Variants in NUMB observed in about 807,000 individuals in gnomAD.
NUMB encodes the protein protein numb homolog.
In NUMB, 29 loss-of-function variants were observed where a neutral mutation model predicts 59.7. The ratio of observed to expected loss-of-function variants is 0.49; its 90% CI spans 0.36 to 0.66. NUMB has a LOEUF of 0.66. NUMB is among the 30% of genes least tolerant of loss of function. The probability of loss-of-function intolerance (pLI) is 0.00; values close to 1 mark genes in which losing one functional copy is unlikely to be tolerated. For missense variants in NUMB, 723 were observed against 822.0 expected (o/e 0.88, Z 1.47); for synonymous variants, 288 against 288.2 (o/e 1.00, Z 0.01).
In NUMB at chr14:73,276,388, C is replaced by T; in HGVS notation, c.*190G>A. On this transcript the variant is annotated 3_prime_UTR_variant, in exon 13 of 13. Transcript: ENST00000555238. Reference sequence around the variant, plus strand: ...TTAGCCTAATTGCAAGGCAGCTTTTCTCTAGGAATGCTTTTTCCCATGTCT... The same window carrying T: ...TTAGCCTAATTGCAAGGCAGCTTTTTTCTAGGAATGCTTTTTCCCATGTCT... 9.0e-6 allele frequency: 5 copies of T among 553,156 alleles called. No homozygotes were observed. In the South Asian group the frequency reaches 1.4e-4, roughly 15 times the overall value. 34.3% of individuals were successfully genotyped at this position (553,156 alleles called of 1,614,324 possible). A position where few individuals can be genotyped will look rare whatever the true frequency, so the allele number is the denominator to read the frequency against.
rs1894745058 is a variant in NUMB at position 73,372,358 on chromosome 14, T to TATAA, written c.-100-5378_-100-5377insTTAT. Among the ~76,000 whole-genome samples, 5 of 120,118 alleles carry TATAA rather than the reference T, an allele frequency of 4.2e-5. No individual in the cohort carries two copies. In the South Asian group the frequency reaches 1.2e-3, roughly 30 times the overall value. 78.8% of individuals were successfully genotyped at this position (120,118 alleles called of 152,430 possible). On this transcript the variant is annotated intron_variant, in intron 2 of 12. Coordinates refer to ENST00000555238, the MANE Select transcript of NUMB (RefSeq NM_001005743.2). ...ATATAACCTTTTATATATATATATA[T>TATAA]AACCTTTTATATATATATATATAAA...
intron 4 of NUMB, among the ~76,000 whole-genome samples, chr14:73,354,401 C>T (rs962164032): frequency 4.6e-5 from 7 of 150,638 alleles, no homozygotes; most frequent in East Asian, 3.9e-4. Flanking sequence ...GTCCCAGATA[C>T]TTGGGAGGCT....
At chr14:73,423,187 T>C (rs1254928805) in intron 1 of NUMB, among the ~76,000 whole-genome samples, 1 of 152,094 alleles carries the variant, frequency 6.6e-6, no homozygotes, top group Non-Finnish European at 1.5e-5. Flanking sequence ...GGAGTATTTA[T>C]GGCACAAGAT....
chr14:73,307,645 C>CT (rs1890527821), intron 6 of NUMB, among the ~76,000 whole-genome samples: 1 of 151,364 alleles, frequency 6.6e-6, no homozygotes, highest in African/African-American at 2.4e-5. Context: ...CCTACAAGGC[C>CT]TAAAAGACTG....
intron 1 of NUMB, among the ~76,000 whole-genome samples, chr14:73,447,930 G>A (rs1428823283): frequency 4.6e-5 from 7 of 151,660 alleles, no homozygotes; most frequent in Non-Finnish European, 8.8e-5. Context: ...CCTAGTAGCT[G>A]GGACAACAGG....
At chr14:73,402,118 A>G (rs974737260) in intron 2 of NUMB, among the ~76,000 whole-genome samples, 2 of 152,110 alleles carry the variant, frequency 1.3e-5, no homozygotes, top group African/African-American at 4.8e-5. Flanking sequence ...CCTCTGCCTC[A>G]GCCTCCCAAA....
chr14:73,442,863 A>G (rs967239103), intron 1 of NUMB, among the ~76,000 whole-genome samples: 7 of 151,990 alleles, frequency 4.6e-5, no homozygotes, highest in African/African-American at 1.7e-4. Flanking sequence ...TACACCATTT[A>G]CTTTTTTTTC....
chr14:73,321,453 G>A (rs1891399943), intron 5 of NUMB, among the ~76,000 whole-genome samples: 2 of 151,990 alleles, frequency 1.3e-5, no homozygotes, highest in African/African-American at 4.8e-5. Context: ...TGCCCAGGTT[G>A]GTCTCAAACT....
intron 1 of NUMB, among the ~76,000 whole-genome samples, chr14:73,417,401 TC>T (rs144655941): frequency 0.051 from 7,787 of 151,908 alleles, 650 homozygotes; most frequent in African/African-American, 0.18. Context: ...GTCTGCATGT[TC>T]CCCCTCCTGT....
At chr14:73,324,319 C>T (rs1019163864) in intron 4 of NUMB, among the ~76,000 whole-genome samples, 2 of 152,212 alleles carry the variant, frequency 1.3e-5, no homozygotes, top group African/African-American at 2.4e-5. Context: ...CTATTCCTTT[C>T]TGTAGCTCAG....
At position 73,276,123 on chromosome 14, in the gene NUMB, G is replaced by C. The variant is rs1888137176; in HGVS notation, c.*455C>G. On this transcript the variant is annotated 3_prime_UTR_variant, in exon 13 of 13. Coordinates refer to ENST00000555238, the MANE Select transcript of NUMB (RefSeq NM_001005743.2). ...TTCTGGCAGCATAGCGTGCCTCTCT[G>C]TTCCCCAGCCTGAGCACAAACCACT... is the stretch of plus-strand genomic sequence containing the variant. 1 of 156,168 alleles carries C rather than the reference G, an allele frequency of 6.4e-6. No individual in the cohort carries two copies. Among genetic ancestry groups the C allele is most frequent in the Non-Finnish European group, 1.4e-5 (1 of 70,252 alleles). The allele number at this position is 156,168 out of a possible 1,614,324, so 9.7% of individuals were successfully genotyped here. A position where few individuals can be genotyped will look rare whatever the true frequency, so the allele number is the denominator to read the frequency against.
intron 8 of NUMB, among the ~76,000 whole-genome samples, chr14:73,290,489 C>A (rs1248628025): frequency 5.3e-5 from 8 of 151,958 alleles, no homozygotes; most frequent in African/African-American, 1.9e-4. Flanking sequence ...GAACTGAAAC[C>A]CATATCTGAC....
chr14:73,457,593 A>C (rs2140221797), intron 1 of NUMB: 1 of 152,144 alleles, frequency 6.6e-6, no homozygotes, highest in East Asian at 1.9e-4. Context: ...CTCCTCTCCG[A>C]CCGAGGGAAC....
intron 3 of NUMB, among the ~76,000 whole-genome samples, chr14:73,364,892 T>C (rs1894264821): frequency 6.6e-6 from 1 of 152,056 alleles, no homozygotes; most frequent in Admixed American, 6.6e-5. Context: ...ATGCCTACTA[T>C]TAACACTTGC....
chr14:73,288,789 G>A lies in NUMB; in HGVS notation c.451-1475C>T, dbSNP rs1246240075. 4.0e-5 allele frequency among the ~76,000 whole-genome samples: 6 copies of A among 151,836 alleles called. No homozygotes were observed. The East Asian group carries it at 1.2e-3, about 29-fold the overall frequency. On this transcript the variant is annotated intron_variant, in intron 8 of 12. Coordinates refer to ENST00000555238, the MANE Select transcript of NUMB (RefSeq NM_001005743.2). ...CAGGAGAATCACTTGAACCCAGGAG[G>A]TGGAGGTTGCAGTAAGCCACGATCG...
At chr14:73,366,581 A>G (rs1460060254) in intron 3 of NUMB, among the ~76,000 whole-genome samples, 1 of 152,180 alleles carries the variant, frequency 6.6e-6, no homozygotes, top group Non-Finnish European at 1.5e-5. Context: ...TACAGATAGG[A>G]AAACTGATGT....
intron 5 of NUMB, 55 bp from the exon 6 acceptor site, chr14:73,316,477 A>C: frequency 6.6e-7 from 1 of 1,517,142 alleles, no homozygotes; most frequent in Non-Finnish European, 9.1e-7. Flanking sequence ...TAAATGTCCC[A>C]GAGTTTCACA....
intron 3 of NUMB, among the ~76,000 whole-genome samples, chr14:73,360,609 G>A (rs1894053489): frequency 6.6e-6 from 1 of 152,030 alleles, no homozygotes; most frequent in Admixed American, 6.6e-5. Flanking sequence ...GCCTTGAGGT[G>A]GCATTTTTCC....
At chr14:73,402,239 A>C (rs1319982005) in intron 2 of NUMB, among the ~76,000 whole-genome samples, 1 of 152,178 alleles carries the variant, frequency 6.6e-6, no homozygotes, top group Non-Finnish European at 1.5e-5. Flanking sequence ...TCTTCAACAG[A>C]TGGAGAAAAA....
Sources: allele counts gnomAD v4.1 joint callset (sites outside exome capture counted in the v4.1 genomes callset), GRCh38; gene constraint gnomAD v4.1.1; transcripts MANE v1.5; gene names NCBI Gene and HGNC (gene_info 2026-07-23, HGNC 2026-07-21).